The following BAZ2B variants were observed in gnomAD, a reference collection of about 807,000 sequenced individuals.
BAZ2B encodes bromodomain adjacent to zinc finger domain 2B, also known as bromodomain adjacent to zinc finger domain protein 2B.
A neutral mutation model predicts 246.0 loss-of-function variants in BAZ2B; 91 were observed. The ratio of observed to expected loss-of-function variants is 0.37; its 90% CI spans 0.31 to 0.44. The LOEUF (loss-of-function observed/expected upper bound fraction) is 0.44, where lower values mean the gene tolerates loss of function less well. Among genes scored for constraint, BAZ2B ranks in the 20% least tolerant of loss-of-function variants. The pLI is 1.00. For missense variants in BAZ2B, 2,332 were observed against 2,533.7 expected (o/e 0.92, Z 1.71); for synonymous variants, 855 against 860.0 (o/e 0.99, Z 0.10).
intron 13 of BAZ2B, chr2:159,419,781 T>A (rs1455808057): frequency 6.6e-6 from 1 of 152,214 alleles, no homozygotes; most frequent in Non-Finnish European, 1.5e-5. Flanking sequence ...AAATCCTACC[T>A]GGTAGATTAG....
intron 3 of BAZ2B, chr2:159,462,934 G>A: frequency 2.2e-6 from 3 of 1,372,056 alleles, no homozygotes; most frequent in South Asian, 2.3e-5. Flanking sequence ...TTTGGCTGGG[G>A]GTCACTTGCT....
chr2:159,641,326 G>A, the BAZ2B span, among the ~76,000 whole-genome samples: 1 of 152,116 alleles, frequency 6.6e-6, no homozygotes, highest in Non-Finnish European at 1.5e-5. Flanking sequence ...GTGATGTTAA[G>A]CTTTTTTCCA....
chr2:159,422,802 A>C (rs1049393272), intron 13 of BAZ2B, among the ~76,000 whole-genome samples: 5 of 152,188 alleles, frequency 3.3e-5, no homozygotes, highest in Non-Finnish European at 7.3e-5. Context: ...AATATTCACA[A>C]ACTATATATC....
intron 1 of BAZ2B, among the ~76,000 whole-genome samples, chr2:159,596,249 T>C (rs1479596732): frequency 6.6e-6 from 1 of 152,216 alleles, no homozygotes; most frequent in Non-Finnish European, 1.5e-5. Context: ...GTTTACCATA[T>C]TGGAAATTAA....
chr2:159,560,196 AAG>A (rs1163269833), intron 1 of BAZ2B, among the ~76,000 whole-genome samples: 13 of 152,210 alleles, frequency 8.5e-5, no homozygotes, highest in African/African-American at 2.2e-4. Flanking sequence ...CTTCAATAAA[AAG>A]AGTCAATGAA....
At chr2:159,487,758 C>T (rs1440611149) in intron 2 of BAZ2B, among the ~76,000 whole-genome samples, 1 of 150,416 alleles carries the variant, frequency 6.6e-6, no homozygotes, top group Non-Finnish European at 1.5e-5. Context: ...GAAGACAAGG[C>T]TTTTGAATTA....
At chr2:159,340,584 A>T (rs1385725718) in intron 31 of BAZ2B, among the ~76,000 whole-genome samples, 2 of 152,026 alleles carry the variant, frequency 1.3e-5, no homozygotes, top group East Asian at 3.9e-4. Context: ...TGGATTTCTC[A>T]GCAGAAACCT....
At chr2:159,637,667 C>T in the BAZ2B span, among the ~76,000 whole-genome samples, 1 of 152,224 alleles carries the variant, frequency 6.6e-6, no homozygotes, top group South Asian at 2.1e-4. Flanking sequence ...AAGCAATCCT[C>T]CCACCACAGC....
chr2:159,459,764 C>G lies in BAZ2B; in HGVS notation c.146-5963G>C, dbSNP rs977633752. 7 of 152,064 alleles carry G rather than the reference C, an allele frequency of 4.6e-5. No homozygotes were observed. The East Asian group carries it at 1.3e-3, about 29-fold the overall frequency. The allele number at this position is 152,064 out of a possible 1,614,324, so 9.4% of individuals were successfully genotyped here. On this transcript the variant is annotated intron_variant, in intron 3 of 36. Transcript: ENST00000392783. ...CCTTATAAGTACAAAACAAAATTAC[C>G]TGGATAGTAGAATGTTTCACTTTTA...
At chr2:159,547,124 G>A (rs1578256349) in intron 2 of BAZ2B, among the ~76,000 whole-genome samples, 1 of 152,052 alleles carries the variant, frequency 6.6e-6, no homozygotes, top group African/African-American at 2.4e-5. Context: ...TTTCTCTTGA[G>A]GAGAAAGAAA....
chr2:159,415,263 A>G (rs1265192826), intron 13 of BAZ2B, among the ~76,000 whole-genome samples: 1 of 151,696 alleles, frequency 6.6e-6, no homozygotes, highest in Non-Finnish European at 1.5e-5. Context: ...TGGCCAATAC[A>G]GTGAAACCCC....
the BAZ2B span, among the ~76,000 whole-genome samples, chr2:159,685,810 G>T: frequency 6.6e-6 from 1 of 152,188 alleles, no homozygotes; most frequent in African/African-American, 2.4e-5. Context: ...AAATAAGAGT[G>T]AAATCTTCCT....
chr2:159,589,799 A>C (rs984603818), intron 1 of BAZ2B, among the ~76,000 whole-genome samples: 3 of 152,228 alleles, frequency 2.0e-5, no homozygotes, highest in African/African-American at 7.2e-5. Context: ...TGGAAACACA[A>C]AATAGTTCTA....
the BAZ2B span, among the ~76,000 whole-genome samples, chr2:159,677,287 C>T: frequency 6.6e-6 from 1 of 151,802 alleles, no homozygotes; most frequent in African/African-American, 2.4e-5. Flanking sequence ...TTGTCCTTTT[C>T]CAATATTTTT....
chr2:159,452,985 A>AG (rs1209417351), intron 4 of BAZ2B, among the ~76,000 whole-genome samples: 3 of 152,224 alleles, frequency 2.0e-5, no homozygotes, highest in African/African-American at 7.2e-5. Context: ...CTGTAATCCC[A>AG]GCTACTCGGG....
chr2:159,483,795 C>A (rs1238166828), intron 2 of BAZ2B, among the ~76,000 whole-genome samples: 1 of 149,962 alleles, frequency 6.7e-6, no homozygotes, highest in Non-Finnish European at 1.5e-5. Context: ...AAAAACAAAA[C>A]CAAAACAAAA....
intron 22 of BAZ2B, among the ~76,000 whole-genome samples, chr2:159,386,092 A>T (rs1193559256): frequency 2.6e-5 from 4 of 152,170 alleles, no homozygotes; most frequent in Non-Finnish European, 2.9e-5. Flanking sequence ...ATATCGCTTA[A>T]GGATTTCCTT....
the BAZ2B span, among the ~76,000 whole-genome samples, chr2:159,700,766 T>G: frequency 2.0e-5 from 3 of 151,314 alleles, no homozygotes; most frequent in East Asian, 1.9e-4. Context: ...TTTCTTATTG[T>G]TTTTTTTTCC....
At position 159,548,094 on chromosome 2, in the gene BAZ2B, C is replaced by G. The variant is rs1428287936; in HGVS notation, c.-3+7729G>C. ...GGAATAGCAATGGGAAATAGATTTA[C>G]ATGAAGTAACTGAAATGGCTGCTAC... On this transcript the variant is annotated intron_variant, in intron 2 of 36. Coordinates refer to ENST00000392783, the MANE Select transcript of BAZ2B (RefSeq NM_013450.4). Among the ~76,000 whole-genome samples the G allele has an allele frequency of 2.6e-5, 4 of 152,238 alleles. No individual in the cohort carries two copies. The East Asian group carries it at 7.7e-4, about 29-fold the overall frequency.
Sources: gnomAD v4.1 joint callset for allele counts (sites outside exome capture counted in the v4.1 genomes callset) on GRCh38, gnomAD v4.1.1 for gene constraint, MANE v1.5 for transcripts, NCBI Gene and HGNC (gene_info 2026-07-23, HGNC 2026-07-21) for gene names.